SLC24A2: variants seen among roughly 807,000 people sequenced by gnomAD.
The protein encoded by SLC24A2 is sodium/potassium/calcium exchanger 2.
A neutral mutation model predicts 62.0 loss-of-function variants in SLC24A2; 36 were observed. The observed-to-expected ratio is 0.58, with a 90% CI of 0.44 to 0.77. The LOEUF (loss-of-function observed/expected upper bound fraction) is 0.77. Among genes scored for constraint, SLC24A2 ranks in the 30% least tolerant of loss-of-function variants. The pLI is 0.00. For synonymous variants in SLC24A2, 358 were observed against 294.0 expected (o/e 1.22, Z -2.23); for missense variants, 846 against 817.9 (o/e 1.03, Z -0.42).
the SLC24A2 span, among the ~76,000 whole-genome samples, chr9:19,842,007 T>A: frequency 6.6e-6 from 1 of 152,178 alleles, no homozygotes; most frequent in Non-Finnish European, 1.5e-5. Context: ...CAACAGCAGA[T>A]ACCAAGATGG....
chr9:20,113,695 T>A, the SLC24A2 span, among the ~76,000 whole-genome samples: 3 of 152,176 alleles, frequency 2.0e-5, no homozygotes, highest in African/African-American at 7.2e-5. Context: ...CATATGTGTA[T>A]CCATTATATT....
At chr9:19,627,978 C>T (rs1203716760) in intron 2 of SLC24A2, among the ~76,000 whole-genome samples, 2 of 152,172 alleles carry the variant, frequency 1.3e-5, no homozygotes, top group Non-Finnish European at 2.9e-5. Flanking sequence ...TCCACTGGAA[C>T]ATTAGCACAA....
chr9:20,154,557 C>T, the SLC24A2 span, among the ~76,000 whole-genome samples: 209 of 151,372 alleles, frequency 1.4e-3, 2 homozygotes, highest in South Asian at 0.021. Flanking sequence ...AAAAAGGAAA[C>T]GTGTGACTCT....
the SLC24A2 span, among the ~76,000 whole-genome samples, chr9:20,081,338 T>G: frequency 6.6e-6 from 1 of 151,606 alleles, no homozygotes; most frequent in African/African-American, 2.4e-5. Flanking sequence ...GGGACATGGA[T>G]GAAGCTGGAA....
At chr9:20,081,495 G>C in the SLC24A2 span, among the ~76,000 whole-genome samples, 1 of 117,382 alleles carries the variant, frequency 8.5e-6, no homozygotes, top group Non-Finnish European at 1.7e-5. Context: ...GGGGGAGGGG[G>C]GGAGGGACAA....
chr9:19,938,810 T>C, the SLC24A2 span, among the ~76,000 whole-genome samples: 1 of 152,224 alleles, frequency 6.6e-6, no homozygotes, highest in Non-Finnish European at 1.5e-5. Context: ...CTAGATAGAA[T>C]TTTCTCATTT....
intron 2 of SLC24A2, among the ~76,000 whole-genome samples, chr9:19,628,240 G>A (rs1327485386): frequency 6.6e-6 from 1 of 152,176 alleles, no homozygotes; most frequent in Non-Finnish European, 1.5e-5. Context: ...AGTTACCAGA[G>A]CTCCTCAGCT....
the SLC24A2 span, among the ~76,000 whole-genome samples, chr9:20,148,166 T>A: frequency 6.6e-6 from 1 of 151,996 alleles, no homozygotes; most frequent in Non-Finnish European, 1.5e-5. Flanking sequence ...TACATCGATT[T>A]GAAAGGGGAA....
intron 2 of SLC24A2, among the ~76,000 whole-genome samples, chr9:19,765,704 C>T (rs534102982): frequency 3.3e-4 from 50 of 152,280 alleles, no homozygotes; most frequent in African/African-American, 1.2e-3. Context: ...GGGAATCCAA[C>T]CTTTCTCTCG....
At chr9:19,695,292 G>T (rs1328360941) in intron 2 of SLC24A2, among the ~76,000 whole-genome samples, 2 of 152,038 alleles carry the variant, frequency 1.3e-5, no homozygotes, top group African/African-American at 4.8e-5. Context: ...GAAGCCCACA[G>T]TTCACACCTG....
the SLC24A2 span, among the ~76,000 whole-genome samples, chr9:20,131,284 C>G: frequency 7.3e-4 from 111 of 152,222 alleles, 3 homozygotes; most frequent in South Asian, 0.011. Flanking sequence ...AGACAGGGCG[C>G]CCAGATTCCA....
the SLC24A2 span, among the ~76,000 whole-genome samples, chr9:20,026,785 A>T: frequency 6.6e-6 from 1 of 152,178 alleles, no homozygotes; most frequent in Admixed American, 6.5e-5. Flanking sequence ...TTTGGATAAG[A>T]CCTTAAAAGC....
chr9:19,587,097 T>A lies in SLC24A2; in HGVS notation c.1130-10075A>T, dbSNP rs375901630. Among the ~76,000 whole-genome samples the A allele has an allele frequency of 3.8e-3, 578 of 152,320 alleles. 3 individuals carry two copies. The highest frequency in any genetic ancestry group is 0.014 in the African/African-American group (563 of 41,562). On this transcript the variant is annotated intron_variant, in intron 5 of 10. Transcript: ENST00000341998. ...GAGTTGTTTTGTCAAAGCCCATATT[T>A]TGGGTATGTGTCTCTGCAAGTGGGT...
chr9:20,029,161 G>T, the SLC24A2 span, among the ~76,000 whole-genome samples: 1 of 152,152 alleles, frequency 6.6e-6, no homozygotes, highest in Non-Finnish European at 1.5e-5. Context: ...AAGCTATTTG[G>T]AAGGCAAAGG....
At chr9:19,666,261 C>A (rs1819250093) in intron 2 of SLC24A2, among the ~76,000 whole-genome samples, 1 of 152,038 alleles carries the variant, frequency 6.6e-6, no homozygotes, top group South Asian at 2.1e-4. Context: ...CAAAAATTAG[C>A]CAGGCATGGT....
At chr9:19,850,969 A>ATG in the SLC24A2 span, among the ~76,000 whole-genome samples, 13 of 36,334 alleles carry the variant, frequency 3.6e-4, no homozygotes, top group South Asian at 1.7e-3. Flanking sequence ...ATATATATGT[A>ATG]TATATATATA....
chr9:19,930,654 T>C, the SLC24A2 span, among the ~76,000 whole-genome samples: 1 of 152,218 alleles, frequency 6.6e-6, no homozygotes. Flanking sequence ...GGGAGGGGGC[T>C]GCACATACAG....
At chr9:19,847,627 G>A in the SLC24A2 span, among the ~76,000 whole-genome samples, 26 of 152,220 alleles carry the variant, frequency 1.7e-4, no homozygotes, top group East Asian at 4.2e-3. Flanking sequence ...TCTCCACACC[G>A]GAGAGAAGAC....
At chr9:20,277,700 C>T in the SLC24A2 span, among the ~76,000 whole-genome samples, 1 of 152,156 alleles carries the variant, frequency 6.6e-6, no homozygotes, top group African/African-American at 2.4e-5. Flanking sequence ...GGATCTAGAA[C>T]TAGAAATACC....
Sources: gnomAD v4.1 joint callset for allele counts (sites outside exome capture counted in the v4.1 genomes callset) on GRCh38, gnomAD v4.1.1 for gene constraint, MANE v1.5 for transcripts, NCBI Gene and HGNC (gene_info 2026-07-23, HGNC 2026-07-21) for gene names.